The following RUVBL1 variants were observed in gnomAD, a reference collection of about 807,000 sequenced individuals.
RUVBL1 encodes ruvB-like 1.
RUVBL1 carries 4 observed loss-of-function variants against 52.4 expected under a neutral mutation model. The ratio of observed to expected loss-of-function variants is 0.08; its 90% CI spans 0.04 to 0.17. RUVBL1 has a LOEUF of 0.17. Ranked by LOEUF, RUVBL1 falls within the 10% of genes least tolerant of loss-of-function variation. RUVBL1 has a pLI of 1.00. For missense variants in RUVBL1, 298 were observed against 572.8 expected (o/e 0.52, Z 4.90); for synonymous variants, 217 against 214.4 (o/e 1.01, Z -0.10).
rs535953016 is a variant in RUVBL1, at chr3:128,096,768, A to G, written c.1016+532T>C. Among the ~76,000 whole-genome samples the G allele has an allele frequency of 3.9e-5, 6 of 152,060 alleles. No homozygotes were observed. In the East Asian group the frequency reaches 1.2e-3, roughly 29 times the overall value. ...TGTGAACCCGGGAGGTGGAGCTTGC[A>G]GTGAGCCGAGATCGCGCCACTGCAC... On this transcript the variant is annotated intron_variant, in intron 8 of 10. Transcript: ENST00000322623.
Position 128,081,377 on chromosome 3 carries a change from A to G in RUVBL1, c.1244T>C (p.Leu415Ser). Reference protein sequence around the residue: ...YSVQLLTPANLLAKINGKDSI... With the variant: ...YSVQLLTPANSLAKINGKDSI... ...GTCCTTCCCGTTGATTTTAGCAAGC[A>G]AGTTGGCCGGGGTCAGCAGCTGCAC... Residue 415 changes from leucine (L) to serine (S), a missense_variant, in exon 11 of 11, where the codon TTG (leucine) becomes TCG (serine). By Grantham distance (145) the Leu-to-Ser change is moderately radical. This residue lies in a region of RUVBL1 where 161 missense variants were observed against 298.3 expected (regional missense o/e 0.54). Transcript: ENST00000322623. The surrounding 1 kb of genome is among the most constrained non-coding windows in gnomAD (Gnocchi z 4.8). The G allele has an allele frequency of 6.2e-7, 1 of 1,614,172 alleles. No homozygotes were observed. The highest frequency in any genetic ancestry group is 8.5e-7 in the Non-Finnish European group (1 of 1,179,992).
At chr3:128,065,343 C>T in intron 9 of RUVBL1, 1 of 584,148 alleles carries the variant, frequency 1.7e-6, no homozygotes, top group East Asian at 2.8e-5. Context: ...GCAAAAAGTA[C>T]TCTAGCTCTG....
At chr3:128,142,251 T>C (rs1316252074) in intron 1 of RUVBL1, among the ~76,000 whole-genome samples, 1 of 152,052 alleles carries the variant, frequency 6.6e-6, no homozygotes, top group Non-Finnish European at 1.5e-5. Flanking sequence ...CTGGAGCACA[T>C]GGTAGTGGGG....
At chr3:128,153,296 C>G in exon 1 of RUVBL1, 1 of 1,358,674 alleles carries the variant, frequency 7.4e-7, no homozygotes, top group Non-Finnish European at 9.4e-7. Flanking sequence ...AGAGAGAAAC[C>G]CTGCCTACGG....
downstream of RUVBL1, chr3:128,079,048 T>C (rs1348117402): frequency 1.3e-5 from 2 of 152,312 alleles, no homozygotes; most frequent in African/African-American, 4.8e-5. Context: ...GATCTGGATA[T>C]TGGTACCTTG....
intron 1 of RUVBL1, among the ~76,000 whole-genome samples, chr3:128,139,724 C>A (rs1943992122): frequency 6.6e-6 from 1 of 152,182 alleles, no homozygotes; most frequent in South Asian, 2.1e-4. Context: ...CTTGCAACAA[C>A]ATGGATGTAA....
At chr3:128,083,569 G>A (rs1425578952) in intron 9 of RUVBL1, 1 of 152,312 alleles carries the variant, frequency 6.6e-6, no homozygotes, top group African/African-American at 2.4e-5. Context: ...GGTTGGGCTT[G>A]GGGGACAGCA....
intron 3 of RUVBL1, among the ~76,000 whole-genome samples, chr3:128,109,120 G>GT (rs1943316527): frequency 6.6e-6 from 1 of 152,230 alleles, no homozygotes; most frequent in Non-Finnish European, 1.5e-5. Context: ...GGAAGGGGTT[G>GT]TGACCAGGGA....
chr3:128,089,610 A>T lies in RUVBL1; in HGVS notation c.1017-1802T>A, dbSNP rs1942767419. 1.3e-5 allele frequency among the ~76,000 whole-genome samples: 2 copies of T among 152,256 alleles called. 1 individual carries two copies. The highest frequency in any genetic ancestry group is 4.1e-4 in the South Asian group (2 of 4,838). ...TGAGGTATAAAAATGCATATTTATG[A>T]CTGCAAAAATAAAATGCAAACAAAA... On this transcript the variant is annotated intron_variant, in intron 8 of 10. Transcript: ENST00000322623.
chr3:128,136,677 A>G (rs1576486979), intron 1 of RUVBL1, among the ~76,000 whole-genome samples: 1 of 151,906 alleles, frequency 6.6e-6, no homozygotes, highest in East Asian at 1.9e-4. Flanking sequence ...TATTTCACCT[A>G]TAAAGACACA....
At chr3:128,077,664 C>T (rs1366755718), downstream of RUVBL1, among the ~76,000 whole-genome samples, 2 of 152,238 alleles carry the variant, frequency 1.3e-5, no homozygotes, top group Non-Finnish European at 1.5e-5. Context: ...GCAGTTGCCC[C>T]GTGCTACCCC....
At chr3:128,084,216 G>A (rs1219883056) in intron 9 of RUVBL1, 2 of 152,292 alleles carry the variant, frequency 1.3e-5, no homozygotes, top group Non-Finnish European at 2.9e-5. Context: ...GAGCTCCACT[G>A]AAACAATCTT....
At chr3:128,080,239 A>C (rs1942431872), downstream of RUVBL1, among the ~76,000 whole-genome samples, 1 of 152,260 alleles carries the variant, frequency 6.6e-6, no homozygotes, top group African/African-American at 2.4e-5. Context: ...TTTGAGCAAC[A>C]AAATAAATCT....
chr3:128,079,372 A>G (rs1942411048), downstream of RUVBL1, among the ~76,000 whole-genome samples: 1 of 152,256 alleles, frequency 6.6e-6, no homozygotes, highest in African/African-American at 2.4e-5. Context: ...TCCTGGTTCC[A>G]TCTCTCACTA....
At chr3:128,088,955 G>A (rs1942741533) in intron 8 of RUVBL1, among the ~76,000 whole-genome samples, 3 of 152,062 alleles carry the variant, frequency 2.0e-5, no homozygotes, top group Non-Finnish European at 4.4e-5. Flanking sequence ...ACAGAACCCT[G>A]AATAGCTACT....
intron 1 of RUVBL1, among the ~76,000 whole-genome samples, chr3:128,133,172 G>C (rs192221520): frequency 1.3e-5 from 2 of 152,264 alleles, no homozygotes; most frequent in Admixed American, 1.3e-4. Context: ...AAAAGGGAGG[G>C]AAGAGTGGAA....
At chr3:128,132,073 A>G (rs1943885253) in intron 1 of RUVBL1, among the ~76,000 whole-genome samples, 1 of 152,152 alleles carries the variant, frequency 6.6e-6, no homozygotes, top group Non-Finnish European at 1.5e-5. Flanking sequence ...GCACAGAGAG[A>G]GAATCTATGT....
chr3:128,138,604 T>C (rs1172978103), intron 1 of RUVBL1, among the ~76,000 whole-genome samples: 1 of 152,120 alleles, frequency 6.6e-6, no homozygotes, highest in Non-Finnish European at 1.5e-5. Context: ...AAAATCAATA[T>C]TGTTAAAATG....
chr3:128,069,942 T>C (rs1045331100), intron 9 of RUVBL1: 1 of 336,720 alleles, frequency 3.0e-6, no homozygotes, highest in Non-Finnish European at 5.4e-6. Flanking sequence ...ATGTAACTTT[T>C]GTTTTAACCT....
Sources: gnomAD v4.1 joint callset for allele counts (sites outside exome capture counted in the v4.1 genomes callset) on GRCh38, gnomAD v4.1.1 for gene constraint, gnomAD v4.1.1 regional missense constraint, Gnocchi (gnomAD v3.1) non-coding constraint, MANE v1.5 for transcripts, NCBI Gene and HGNC (gene_info 2026-07-23, HGNC 2026-07-21) for gene names.